The following NFASC variants were observed in gnomAD, a reference collection of about 807,000 sequenced individuals.
The protein encoded by NFASC is neurofascin homolog.
NFASC carries 43 observed loss-of-function variants against 147.5 expected under a neutral mutation model. The observed-to-expected ratio is 0.29, with a 90% CI of 0.23 to 0.38. The LOEUF (loss-of-function observed/expected upper bound fraction) is 0.38, where lower values mean the gene tolerates loss of function less well. NFASC is among the 10% of genes least tolerant of loss of function. The pLI is 1.00. For missense variants in NFASC, 1,320 were observed against 1,689.0 expected (o/e 0.78, Z 3.83); for synonymous variants, 622 against 665.5 (o/e 0.93, Z 1.01).
At chr1:204,867,733 G>A (rs7512381) in intron 1 of NFASC, among the ~76,000 whole-genome samples, 9,606 of 152,052 alleles carry the variant, frequency 0.063, 849 homozygotes, top group East Asian at 0.21. Flanking sequence ...TGCTATCTGC[G>A]CACTCATGGT....
At chr1:204,890,092 T>C (rs553547260) in intron 1 of NFASC, among the ~76,000 whole-genome samples, 1 of 152,292 alleles carries the variant, frequency 6.6e-6, no homozygotes, top group South Asian at 2.1e-4. Context: ...CTGCTTAGGG[T>C]GAGGCTGAGC....
chr1:204,921,853 T>C (rs2149451755), intron 2 of NFASC, among the ~76,000 whole-genome samples: 1 of 152,224 alleles, frequency 6.6e-6, no homozygotes, highest in East Asian at 1.9e-4. Context: ...TTTTTTTTTA[T>C]CAAGGTAGTT....
intron 3 of NFASC, among the ~76,000 whole-genome samples, chr1:204,945,373 AG>A (rs944435815): frequency 2.6e-5 from 4 of 152,290 alleles, no homozygotes; most frequent in South Asian, 2.1e-4. Context: ...ATGTCTGGGG[AG>A]GGGGGCAGGA....
intron 2 of NFASC, among the ~76,000 whole-genome samples, chr1:204,928,498 G>A (rs1418246856): frequency 6.6e-6 from 1 of 152,204 alleles, no homozygotes; most frequent in African/African-American, 2.4e-5. Flanking sequence ...AGGCTGCAAT[G>A]TGCCAAGCTC....
At chr1:204,939,599 C>A (rs2093202423) in intron 2 of NFASC, among the ~76,000 whole-genome samples, 1 of 152,260 alleles carries the variant, frequency 6.6e-6, no homozygotes, top group African/African-American at 2.4e-5. Context: ...CTAGAACCAA[C>A]CACCCCCACA....
In NFASC at chr1:204,865,724, ATTC is replaced by A. The variant is rs77591973; in HGVS notation, c.-200+36952_-200+36954del. Among the ~76,000 whole-genome samples the A allele has an allele frequency of 6.9e-3, 1,056 of 152,294 alleles. 8 individuals carry two copies. Among genetic ancestry groups the A allele is most frequent in the Middle Eastern group, 0.054 (16 of 294 alleles). On this transcript the variant is annotated intron_variant, in intron 1 of 29. Transcript: ENST00000339876. ...TCAGGAAATGTGAGTCTCTGACTTTATTCTTCTTCTTCAAGATTGTTTTGCCTA... is the reference window on the plus strand; with the variant it reads ...TCAGGAAATGTGAGTCTCTGACTTTATTCTTCTTCAAGATTGTTTTGCCTA...
At chr1:204,935,281 T>A (rs2092726645) in intron 2 of NFASC, among the ~76,000 whole-genome samples, 1 of 152,078 alleles carries the variant, frequency 6.6e-6, no homozygotes, top group South Asian at 2.1e-4. Context: ...TAAACAAAGA[T>A]CACCCACATG....
chr1:204,952,670 G>T (rs115780413), intron 5 of NFASC, among the ~76,000 whole-genome samples: 2,175 of 152,332 alleles, frequency 0.014, 47 homozygotes, highest in African/African-American at 0.049. Context: ...AGGTTACCCA[G>T]CTTGAAAGGG....
chr1:204,951,642 G>A (rs1298389887), intron 4 of NFASC, among the ~76,000 whole-genome samples: 1 of 151,370 alleles, frequency 6.6e-6, no homozygotes, highest in Non-Finnish European at 1.5e-5. Context: ...CTAATTTTTT[G>A]TATTTTTTAG....
chr1:204,981,948 C>A lies in NFASC; in HGVS notation c.2398C>A (p.Arg800=). Residue 800 remains arginine, a synonymous_variant, in exon 21 of 30, where the codon CGA becomes AGA. Coordinates refer to ENST00000339876, the MANE Select transcript of NFASC (RefSeq NM_001005388.3). ...QTPVYVPYEI[R]VQAENDFGKG... ...CCCAGTCTACGTGCCCTATGAGATCCGAGTCCAGGCTGAAAATGACTTCGG... is the reference window on the plus strand; with the variant it reads ...CCCAGTCTACGTGCCCTATGAGATCAGAGTCCAGGCTGAAAATGACTTCGG... 6.2e-7 allele frequency: 1 copy of A among 1,607,782 alleles called. No homozygotes were observed. Among genetic ancestry groups the A allele is most frequent in the Non-Finnish European group, 8.5e-7 (1 of 1,177,178 alleles).
At chr1:204,885,330 C>T (rs1279881089) in intron 1 of NFASC, among the ~76,000 whole-genome samples, 1 of 152,132 alleles carries the variant, frequency 6.6e-6, no homozygotes, top group African/African-American at 2.4e-5. Context: ...AGCAGAAGTC[C>T]TGAGTGGCCA....
At chr1:204,881,589 C>T (rs577384475) in intron 1 of NFASC, among the ~76,000 whole-genome samples, 3 of 152,120 alleles carry the variant, frequency 2.0e-5, no homozygotes, top group African/African-American at 2.4e-5. Flanking sequence ...TGGTATGAGA[C>T]GGGAGACACA....
intron 1 of NFASC, among the ~76,000 whole-genome samples, chr1:204,917,355 A>G (rs1321314024): frequency 6.6e-6 from 1 of 152,224 alleles, no homozygotes; most frequent in Non-Finnish European, 1.5e-5. Context: ...TATCACTTAA[A>G]ATATTTTTTT....
intron 24 of NFASC, among the ~76,000 whole-genome samples, chr1:204,991,937 C>T (rs1000266639): frequency 2.0e-5 from 3 of 152,188 alleles, no homozygotes; most frequent in African/African-American, 4.8e-5. Context: ...CCTTCAGAAA[C>T]CCAGCTTTTC....
At chr1:204,904,669 A>G (rs1486441765) in intron 1 of NFASC, among the ~76,000 whole-genome samples, 1 of 152,192 alleles carries the variant, frequency 6.6e-6, no homozygotes, top group Non-Finnish European at 1.5e-5. Flanking sequence ...ATGGAATCCA[A>G]TTAGAGATTT....
intron 20 of NFASC, among the ~76,000 whole-genome samples, chr1:204,980,791 C>T (rs1032951888): frequency 6.6e-6 from 1 of 152,176 alleles, no homozygotes; most frequent in African/African-American, 2.4e-5. Context: ...CTAAGCACAA[C>T]ACCAAACCAA....
chr1:204,907,625 A>C (rs1306904874), intron 1 of NFASC, among the ~76,000 whole-genome samples: 1 of 152,212 alleles, frequency 6.6e-6, no homozygotes, highest in Non-Finnish European at 1.5e-5. Context: ...AATTGATGAG[A>C]GTGCTTACAT....
rs1341202596 is a variant in NFASC, at chr1:204,975,196, T to C, written c.1559-75T>C. On this transcript the variant is annotated intron_variant, in intron 14 of 29. Transcript: ENST00000339876. The surrounding 1 kb of genome is among the most constrained non-coding windows in gnomAD (Gnocchi z 4.0). ...TGGCCCAAGGCCTCGAGGGCAGACA[T>C]ATGCCACTTTGTGGCCGCATGGGGA... 1.3e-6 allele frequency: 2 copies of C among 1,517,776 alleles called. No individual in the cohort carries two copies. Among genetic ancestry groups the C allele is most frequent in the African/African-American group, 1.4e-5 (1 of 72,466 alleles). The allele number at this position is 1,517,776 out of a possible 1,614,324, so 94.0% of individuals were successfully genotyped here.
At chr1:204,946,373 C>T (rs1288126325) in intron 3 of NFASC, 7 of 502,646 alleles carry the variant, frequency 1.4e-5, no homozygotes, top group East Asian at 5.6e-5. Flanking sequence ...GCGACAGAGC[C>T]GGGATAGGAC....
Sources: allele counts gnomAD v4.1 joint callset (sites outside exome capture counted in the v4.1 genomes callset), GRCh38; gene constraint gnomAD v4.1.1; non-coding constraint Gnocchi (gnomAD v3.1); transcripts MANE v1.5; gene names NCBI Gene and HGNC (gene_info 2026-07-23, HGNC 2026-07-21).